STRN3: variants seen among roughly 807,000 people sequenced by gnomAD.
STRN3 encodes striatin-3.
Under a neutral mutation model 95.6 loss-of-function variants are expected in STRN3, and 29 were observed. The observed-to-expected ratio is 0.30, with a 90% CI of 0.23 to 0.41. The LOEUF (loss-of-function observed/expected upper bound fraction) is 0.41, where lower values mean the gene tolerates loss of function less well. STRN3 is among the 10% of genes least tolerant of loss of function. The pLI, the probability that STRN3 is intolerant of heterozygous loss-of-function variation, is 1.00. For synonymous variants in STRN3, 331 were observed against 357.6 expected (o/e 0.93, Z 0.84); for missense variants, 890 against 972.1 (o/e 0.92, Z 1.12).
chr14:30,963,908 T>C (rs947689961), intron 1 of STRN3, among the ~76,000 whole-genome samples: 1 of 152,114 alleles, frequency 6.6e-6, no homozygotes, highest in South Asian at 2.1e-4. Context: ...GAGGATGCAA[T>C]GTAAGCAATG....
rs143947030 is a variant in STRN3, at chr14:31,020,328, A to C, written c.282+5576T>G. ...AGCCTGGCCAACATGGTGAAACTCCATCTCTACAAAAAATACAAAAATTAG... is the reference window on the plus strand; with the variant it reads ...AGCCTGGCCAACATGGTGAAACTCCCTCTCTACAAAAAATACAAAAATTAG... On this transcript the variant is annotated intron_variant, in intron 1 of 17. Coordinates refer to ENST00000357479, the MANE Select transcript of STRN3 (RefSeq NM_001083893.2). 4.7e-3 allele frequency among the ~76,000 whole-genome samples: 713 copies of C among 152,016 alleles called. 3 individuals carry two copies. The highest frequency in any genetic ancestry group is 0.017 in the African/African-American group (689 of 41,472).
At position 30,935,912 on chromosome 14, in the gene STRN3, C is replaced by T. The variant is rs531776787; in HGVS notation, c.846+583G>A. On this transcript the variant is annotated intron_variant, in intron 6 of 17. Transcript: ENST00000357479. ...AAAATCTCAAATACCAACAACTAAA[C>T]CTACCCACTTTTTTCTATGGTTGAA... Among the ~76,000 whole-genome samples the T allele has an allele frequency of 2.6e-5, 4 of 152,256 alleles. No homozygotes were observed. In the South Asian group the frequency reaches 8.3e-4, roughly 32 times the overall value.
intron 5 of STRN3, among the ~76,000 whole-genome samples, chr14:30,942,503 T>C (rs560248644): frequency 1.3e-5 from 2 of 152,336 alleles, no homozygotes; most frequent in South Asian, 4.1e-4. Context: ...ATGCATTTTC[T>C]AGAGGAGGCC....
chr14:30,935,373 CATAACTACATT>C lies in STRN3; in HGVS notation c.847-80_847-70del, dbSNP rs1878767926. 2.0e-6 allele frequency: 3 copies of C among 1,513,314 alleles called. No homozygotes were observed. In the Admixed American group the frequency reaches 6.1e-5, roughly 31 times the overall value. The allele number at this position is 1,513,314 out of a possible 1,614,324, so 93.7% of individuals were successfully genotyped here. On this transcript the variant is annotated intron_variant, in intron 6 of 17. Transcript: ENST00000357479. ...GAAAAGGGATGCTTTAATATTGTCA[CATAACTACATT>C]TACACACCCATTTTAAAATTACTTG...
intron 16 of STRN3, among the ~76,000 whole-genome samples, chr14:30,901,958 A>C (rs1013975240): frequency 3.3e-5 from 5 of 152,022 alleles, no homozygotes; most frequent in African/African-American, 1.2e-4. Flanking sequence ...ATCTGAGGTC[A>C]GGAGTTCGAG....
chr14:30,938,211 T>C (rs768727995), intron 5 of STRN3, among the ~76,000 whole-genome samples: 10 of 152,034 alleles, frequency 6.6e-5, no homozygotes, highest in Non-Finnish European at 1.3e-4. Context: ...GGTTGTACTA[T>C]ATCCCACCCA....
At chr14:31,000,596 A>T (rs969087533) in intron 1 of STRN3, among the ~76,000 whole-genome samples, 1 of 152,162 alleles carries the variant, frequency 6.6e-6, no homozygotes, top group Non-Finnish European at 1.5e-5. Flanking sequence ...TGAATGAGAA[A>T]AACAAAAAGG....
chr14:30,931,375 C>CATGT (rs1236680577), intron 7 of STRN3, among the ~76,000 whole-genome samples: 2 of 152,150 alleles, frequency 1.3e-5, no homozygotes, highest in Non-Finnish European at 2.9e-5. Context: ...GAATCATTTA[C>CATGT]AGTAACTTTT....
intron 1 of STRN3, among the ~76,000 whole-genome samples, chr14:30,984,126 C>T (rs1357045828): frequency 5.8e-5 from 5 of 85,498 alleles, no homozygotes; most frequent in Non-Finnish European, 1.3e-4. Flanking sequence ...GCATCTTCCC[C>T]GCCCCCCCCA....
chr14:30,966,633 G>A (rs549548652), intron 1 of STRN3, among the ~76,000 whole-genome samples: 7 of 152,310 alleles, frequency 4.6e-5, no homozygotes, highest in South Asian at 4.1e-4. Flanking sequence ...AGGAGAAGCC[G>A]CAGGAGCTGG....
chr14:30,923,663 A>T (rs1388447890), intron 8 of STRN3, among the ~76,000 whole-genome samples: 1 of 152,180 alleles, frequency 6.6e-6, no homozygotes, highest in Non-Finnish European at 1.5e-5. Context: ...AAATGAAATA[A>T]TCTTTTCTTG....
intron 1 of STRN3, among the ~76,000 whole-genome samples, chr14:30,997,014 A>T (rs975929303): frequency 4.7e-5 from 7 of 149,374 alleles, no homozygotes; most frequent in South Asian, 2.1e-4. Context: ...AATAGACAAT[A>T]AAAAAAAAAC....
intron 7 of STRN3, among the ~76,000 whole-genome samples, chr14:30,930,885 A>T (rs11626200): frequency 0.019 from 2,965 of 152,276 alleles, 46 homozygotes; most frequent in Non-Finnish European, 0.032. Context: ...TTAAAGCAAG[A>T]CAAATTGATA....
intron 16 of STRN3, among the ~76,000 whole-genome samples, chr14:30,895,958 C>T (rs1480442389): frequency 6.6e-6 from 1 of 152,138 alleles, no homozygotes; most frequent in Non-Finnish European, 1.5e-5. Context: ...CAACCATCAC[C>T]ATTCTCTAGA....
At chr14:30,951,372 C>G (rs981860920) in intron 3 of STRN3, among the ~76,000 whole-genome samples, 1 of 151,834 alleles carries the variant, frequency 6.6e-6, no homozygotes. Flanking sequence ...TAGCTGGGAC[C>G]ACAGGCATGT....
At chr14:30,901,032 A>C (rs775837832) in intron 16 of STRN3, among the ~76,000 whole-genome samples, 21 of 152,212 alleles carry the variant, frequency 1.4e-4, no homozygotes, top group Non-Finnish European at 2.5e-4. Context: ...AATAATTAAT[A>C]AACAGGAATC....
At chr14:30,908,870 A>G (rs988319055) in intron 13 of STRN3, among the ~76,000 whole-genome samples, 2 of 152,202 alleles carry the variant, frequency 1.3e-5, no homozygotes, top group Admixed American at 1.3e-4. Flanking sequence ...ATTTGTATAG[A>G]GAAGACTGTC....
intron 1 of STRN3, among the ~76,000 whole-genome samples, chr14:31,023,867 T>C (rs1883635529): frequency 6.6e-6 from 1 of 151,338 alleles, no homozygotes; most frequent in African/African-American, 2.4e-5. Context: ...ATGAACATTT[T>C]ATTCCAAAAG....
intron 1 of STRN3, among the ~76,000 whole-genome samples, chr14:31,000,870 G>T (rs1207226053): frequency 6.6e-6 from 1 of 151,714 alleles, no homozygotes; most frequent in African/African-American, 2.4e-5. Flanking sequence ...GTAGAGATAA[G>T]CCTTACAAGG....
Sources: allele counts gnomAD v4.1 joint callset (sites outside exome capture counted in the v4.1 genomes callset), GRCh38; gene constraint gnomAD v4.1.1; transcripts MANE v1.5; gene names NCBI Gene and HGNC (gene_info 2026-07-23, HGNC 2026-07-21).